Variants in SPTBN1 observed in about 807,000 individuals in gnomAD.
SPTBN1 encodes the protein spectrin beta chain, non-erythrocytic 1.
In SPTBN1, 32 loss-of-function variants were observed where a neutral mutation model predicts 266.4. That is an observed-to-expected ratio of 0.12 (90% CI 0.09 to 0.16). The LOEUF is 0.16. Among genes scored for constraint, SPTBN1 ranks in the 10% least tolerant of loss-of-function variants. The probability of loss-of-function intolerance (pLI) is 1.00; values close to 1 mark genes in which losing one functional copy is unlikely to be tolerated. For synonymous variants in SPTBN1, 1,336 were observed against 1,162.2 expected (o/e 1.15, Z -3.04); for missense variants, 2,296 against 3,067.1 (o/e 0.75, Z 5.94).
In SPTBN1 at chr2:54,466,418, C is replaced by A. The variant is rs1224272020; in HGVS notation, c.-48+9900C>A. 7.6e-5 allele frequency among the ~76,000 whole-genome samples: 2 copies of A among 26,264 alleles called. 1 individual carries two copies. Among genetic ancestry groups the A allele is most frequent in the African/African-American group, 1.3e-3 (2 of 1,542 alleles). The allele number at this position is 26,264 out of a possible 152,430, so 17.2% of individuals were successfully genotyped here. A position where few individuals can be genotyped will look rare whatever the true frequency, so the allele number is the denominator to read the frequency against. On this transcript the variant is annotated intron_variant, in intron 1 of 35. Transcript: ENST00000356805. Reference sequence around the variant, plus strand: ...TCTACTAAAAATACAAAAAATTAGCCGGGCGTGGTAGCGGGCGCCTGTAGT... The same window carrying A: ...TCTACTAAAAATACAAAAAATTAGCAGGGCGTGGTAGCGGGCGCCTGTAGT...
chr2:54,619,364 G>T (rs1051948269), intron 7 of SPTBN1, among the ~76,000 whole-genome samples: 4 of 152,180 alleles, frequency 2.6e-5, no homozygotes, highest in Non-Finnish European at 4.4e-5. Flanking sequence ...CTTACTATGG[G>T]AAGGAATTTT....
In SPTBN1 at chr2:54,659,285, A is replaced by G. The variant is rs1680880367; in HGVS notation, c.6356+19A>G. 1.2e-6 allele frequency: 2 copies of G among 1,613,128 alleles called. No homozygotes were observed. Among genetic ancestry groups the G allele is most frequent in the Non-Finnish European group, 1.7e-6 (2 of 1,179,256 alleles). Reference sequence around the variant, plus strand: ...AGCAGTGGTGAGTCCCAGCAGCTCCAGAGGCTGGACCCTTAGCCTCGGTGG... The same window carrying G: ...AGCAGTGGTGAGTCCCAGCAGCTCCGGAGGCTGGACCCTTAGCCTCGGTGG... On this transcript the variant is annotated intron_variant, in intron 31 of 35. Coordinates refer to ENST00000356805, the MANE Select transcript of SPTBN1 (RefSeq NM_003128.3).
Position 54,664,896 on chromosome 2 carries a change from TG to T in SPTBN1, c.6659+207del, listed in dbSNP as rs1681275346. On this transcript the variant is annotated intron_variant, in intron 33 of 35. Transcript: ENST00000356805. This position sits in a 1 kb window ranked among gnomAD's most constrained non-coding sequence, Gnocchi z 5.6. ...TCACTGAGAGAAGAAGAGTTGAGTT[TG>T]GATGGGAGTAGCTAGAAGGGGCTTT... 4 of 584,916 alleles carry T rather than the reference TG, an allele frequency of 6.8e-6. No homozygotes were observed. The South Asian group carries it at 8.7e-5, about 13-fold the overall frequency. 36.2% of individuals were successfully genotyped at this position (584,916 alleles called of 1,614,324 possible).
chr2:54,495,937 A>C (rs1042231595), intron 1 of SPTBN1, among the ~76,000 whole-genome samples: 9 of 152,194 alleles, frequency 5.9e-5, no homozygotes, highest in African/African-American at 2.2e-4. Flanking sequence ...TTCATATTAA[A>C]GAAAAATAGC....
intron 6 of SPTBN1, 22 bp downstream of exon 6, chr2:54,617,710 T>G (rs774710177): frequency 4.3e-6 from 7 of 1,611,408 alleles, no homozygotes; most frequent in Non-Finnish European, 5.1e-6. Flanking sequence ...CAAATCATCC[T>G]AGCAATCGTG....
intron 3 of SPTBN1, among the ~76,000 whole-genome samples, chr2:54,600,871 C>T (rs1433234063): frequency 6.6e-6 from 1 of 150,770 alleles, no homozygotes; most frequent in Non-Finnish European, 1.5e-5. Context: ...ATCTTCTAGG[C>T]TGTAGGGAGT....
At chr2:54,466,027 A>G (rs1234624308) in intron 1 of SPTBN1, among the ~76,000 whole-genome samples, 2 of 152,222 alleles carry the variant, frequency 1.3e-5, no homozygotes, top group Middle Eastern at 6.3e-3. Context: ...GATGTTATCA[A>G]GATTGCTTTA....
intron 1 of SPTBN1, among the ~76,000 whole-genome samples, chr2:54,466,005 A>G (rs1476385158): frequency 6.6e-6 from 1 of 152,240 alleles, no homozygotes; most frequent in Non-Finnish European, 1.5e-5. Context: ...GTGCTTTGAC[A>G]TATAAAAATA....
intron 2 of SPTBN1, among the ~76,000 whole-genome samples, chr2:54,539,326 C>G (rs1333187627): frequency 6.6e-6 from 1 of 152,086 alleles, no homozygotes; most frequent in African/African-American, 2.4e-5. Context: ...TTTTGTGATA[C>G]CTATTAAAGA....
intron 1 of SPTBN1, among the ~76,000 whole-genome samples, chr2:54,517,624 TG>T (rs2104264973): frequency 6.6e-6 from 1 of 151,892 alleles, no homozygotes; most frequent in East Asian, 1.9e-4. Flanking sequence ...TTGGCTGAAC[TG>T]TATACAGCTC....
intron 1 of SPTBN1, among the ~76,000 whole-genome samples, chr2:54,525,087 G>A (rs905864933): frequency 1.3e-5 from 2 of 152,152 alleles, no homozygotes; most frequent in Non-Finnish European, 2.9e-5. Context: ...CACAGAGTAC[G>A]TAGTAAGTCT....
chr2:54,651,750 T>G (rs17580876), intron 26 of SPTBN1, among the ~76,000 whole-genome samples: 1 of 152,166 alleles, frequency 6.6e-6, no homozygotes, highest in Non-Finnish European at 1.5e-5. Context: ...GTAGGAAAAT[T>G]AGCTTTTCAG....
intron 2 of SPTBN1, among the ~76,000 whole-genome samples, chr2:54,596,400 A>G (rs78708072): frequency 0.039 from 5,910 of 152,220 alleles, 147 homozygotes; most frequent in Admixed American, 0.087. Flanking sequence ...CTGTTCTCCA[A>G]GTGCTCCATT....
chr2:54,623,938 A>G (rs78047435), intron 10 of SPTBN1, among the ~76,000 whole-genome samples: 9 of 152,210 alleles, frequency 5.9e-5, no homozygotes, highest in African/African-American at 1.9e-4. Flanking sequence ...ACCTTATTTC[A>G]TGTGTTTCAT....
intron 1 of SPTBN1, among the ~76,000 whole-genome samples, chr2:54,522,630 C>A (rs1258873057): frequency 1.1e-4 from 12 of 113,826 alleles, no homozygotes; most frequent in African/African-American, 1.6e-4. Flanking sequence ...GACTCTGTCT[C>A]AAAAAGAAAG....
chr2:54,584,718 A>G (rs1408996450), intron 2 of SPTBN1, among the ~76,000 whole-genome samples: 1 of 152,208 alleles, frequency 6.6e-6, no homozygotes. Flanking sequence ...TCATTATTAA[A>G]CAATAAAATG....
At chr2:54,568,047 T>C (rs147750263) in intron 2 of SPTBN1, among the ~76,000 whole-genome samples, 1 of 152,220 alleles carries the variant, frequency 6.6e-6, no homozygotes, top group East Asian at 1.9e-4. Context: ...AATCTCGTCT[T>C]TTAAAAATCC....
At chr2:54,496,385 C>A (rs1668969247) in intron 1 of SPTBN1, among the ~76,000 whole-genome samples, 1 of 147,462 alleles carries the variant, frequency 6.8e-6, no homozygotes, top group South Asian at 2.1e-4. Context: ...TTGCAGTGAG[C>A]CGAGATTGCG....
At chr2:54,604,764 G>A (rs1414706076) in intron 3 of SPTBN1, among the ~76,000 whole-genome samples, 1 of 152,130 alleles carries the variant, frequency 6.6e-6, no homozygotes, top group South Asian at 2.1e-4. Context: ...TTGGGAGGGG[G>A]AAACAGAAAA....
Sources: gnomAD v4.1 joint callset for allele counts (sites outside exome capture counted in the v4.1 genomes callset) on GRCh38, gnomAD v4.1.1 for gene constraint, Gnocchi (gnomAD v3.1) non-coding constraint, MANE v1.5 for transcripts, NCBI Gene and HGNC (gene_info 2026-07-23, HGNC 2026-07-21) for gene names.